Variants in TGIF1 observed in about 807,000 individuals in gnomAD.
TGIF1 encodes homeobox protein TGIF1.
Under a neutral mutation model 19.3 loss-of-function variants are expected in TGIF1, and 4 were observed. That is an observed-to-expected ratio of 0.21 (90% CI 0.10 to 0.47). The LOEUF (loss-of-function observed/expected upper bound fraction) is 0.47, where lower values mean the gene tolerates loss of function less well. TGIF1 is among the 20% of genes least tolerant of loss of function. TGIF1 has a pLI of 0.98. For synonymous variants in TGIF1, 122 were observed against 129.3 expected, an observed-to-expected ratio of 0.94 and a Z score of 0.38; for missense variants, 275 against 341.4, an observed-to-expected ratio of 0.81 and a Z score of 1.53.
At chr18:3,420,290 G>A (rs1288183231) in intron 2 of TGIF1, among the ~76,000 whole-genome samples, 1 of 152,012 alleles carries the variant, frequency 6.6e-6, no homozygotes, top group East Asian at 1.9e-4. Context: ...GGCTGAGGCA[G>A]AAGAATCACT....
At chr18:3,430,783 A>G (rs959705263) in intron 2 of TGIF1, among the ~76,000 whole-genome samples, 3 of 151,252 alleles carry the variant, frequency 2.0e-5, no homozygotes, top group Non-Finnish European at 4.4e-5. Flanking sequence ...AAATGCTGGG[A>G]TTATAGGCAC....
In TGIF1 at chr18:3,456,510, G is replaced by A; in HGVS notation, c.173G>A (p.Arg58His). The change falls in exon 2 of 3, where the codon CGT becomes CAT. Residue 58 changes from arginine (R) to histidine (H), a missense_variant. By Grantham distance (29) the Arg-to-His change is conservative. Coordinates refer to ENST00000343820, the MANE Select transcript of TGIF1 (RefSeq NM_003244.4). The surrounding 1 kb of genome is among the most constrained non-coding windows in gnomAD (Gnocchi z 4.2). ...CTTCGGGATTGGCTGTATGAGCACC[G>A]TTACAATGCCTATCCTTCAGAGCAA... ...QILRDWLYEHRYNAYPSEQEK... is the reference protein window; with the variant it reads ...QILRDWLYEHHYNAYPSEQEK... 2 of 1,614,238 alleles carry A rather than the reference G, an allele frequency of 1.2e-6. No individual in the cohort carries two copies. Among genetic ancestry groups the A allele is most frequent in the Non-Finnish European group, 1.7e-6 (2 of 1,180,046 alleles).
intron 2 of TGIF1, among the ~76,000 whole-genome samples, chr18:3,435,745 G>C (rs546496280): frequency 6.6e-6 from 1 of 152,236 alleles, no homozygotes; most frequent in South Asian, 2.1e-4. Context: ...CAGAATGTAC[G>C]CATTTTCAAA....
intron 1 of TGIF1, among the ~76,000 whole-genome samples, chr18:3,417,619 T>C (rs952125731): frequency 6.6e-6 from 1 of 152,240 alleles, no homozygotes; most frequent in Non-Finnish European, 1.5e-5. Context: ...TATATAACTG[T>C]TATTGTAAAT....
rs2082860325 is a variant in TGIF1 at position 3,450,216 on chromosome 18, G to A, written c.-274G>A. The A allele has an allele frequency of 7.1e-7, 1 of 1,403,520 alleles. No individual in the cohort carries two copies. Among genetic ancestry groups the A allele is most frequent in the Non-Finnish European group, 9.2e-7 (1 of 1,081,432 alleles). The allele number at this position is 1,403,520 out of a possible 1,614,324, so 86.9% of individuals were successfully genotyped here. A position where few individuals can be genotyped will look rare whatever the true frequency, so the allele number is the denominator to read the frequency against. On this transcript the variant is annotated 5_prime_UTR_variant, in exon 1 of 3. Coordinates refer to ENST00000343820, the MANE Select transcript of TGIF1 (RefSeq NM_003244.4). ...GCGCCGAGCAGGAGCAGGGAACAAA[G>A]GAGCGGAGAGGGGAGGGGAGAGAGT... is the stretch of plus-strand genomic sequence containing the variant.
intron 2 of TGIF1, among the ~76,000 whole-genome samples, chr18:3,443,773 T>G (rs1162268414): frequency 6.6e-6 from 1 of 151,580 alleles, no homozygotes; most frequent in African/African-American, 2.4e-5. Flanking sequence ...CCTCAGATGA[T>G]CTGCCCGCCT....
At position 3,451,195 on chromosome 18, in the gene TGIF1, A is replaced by G. The variant is rs1198315504; in HGVS notation, c.16+690A>G. Reference sequence around the variant, plus strand: ...GTTAGCACCCAGGGCCAGCAGCTTCAAGCGGCATGCAGTCAAAATGCGTCC... The same window carrying G: ...GTTAGCACCCAGGGCCAGCAGCTTCGAGCGGCATGCAGTCAAAATGCGTCC... On this transcript the variant is annotated intron_variant, in intron 1 of 2. Coordinates refer to ENST00000343820, the MANE Select transcript of TGIF1 (RefSeq NM_003244.4). This position sits in a 1 kb window ranked among gnomAD's most constrained non-coding sequence, Gnocchi z 5.4. Among the ~76,000 whole-genome samples the G allele has an allele frequency of 6.6e-6, 1 of 152,206 alleles. No homozygotes were observed. Among genetic ancestry groups the G allele is most frequent in the Non-Finnish European group, 1.5e-5 (1 of 68,036 alleles).
intron 2 of TGIF1, among the ~76,000 whole-genome samples, chr18:3,434,220 T>C (rs565437802): frequency 2.6e-5 from 4 of 151,882 alleles, no homozygotes; most frequent in African/African-American, 9.7e-5. Context: ...TGAAACCACA[T>C]CTCTACTAAA....
At chr18:3,454,790 T>A (rs1404514170) in intron 1 of TGIF1, among the ~76,000 whole-genome samples, 2 of 152,234 alleles carry the variant, frequency 1.3e-5, no homozygotes, top group African/African-American at 4.8e-5. Flanking sequence ...TAAAGTGAAT[T>A]TGCAAGATCA....
chr18:3,450,428 T>A lies in TGIF1; in HGVS notation c.-62T>A, dbSNP rs2082868273. On this transcript the variant is annotated 5_prime_UTR_variant, in exon 1 of 3. Coordinates refer to ENST00000343820, the MANE Select transcript of TGIF1 (RefSeq NM_003244.4). ...GAAGGAGACGTTCGCTTATCCCCTG[T>A]GTCCCCGCTCCTGGCCCCTCCAGAC... is the stretch of plus-strand genomic sequence containing the variant. The A allele has an allele frequency of 1.9e-5, 30 of 1,551,258 alleles. No individual in the cohort carries two copies. Among genetic ancestry groups the A allele is most frequent in the Non-Finnish European group, 2.5e-5 (29 of 1,147,036 alleles).
chr18:3,447,826 C>T (rs2143272073), upstream of TGIF1: 2 of 1,613,736 alleles, frequency 1.2e-6, no homozygotes, highest in Non-Finnish European at 1.7e-6. Flanking sequence ...TTTTTCCTCC[C>T]CCTAATTCGA....
chr18:3,435,600 T>C (rs1178821490), intron 2 of TGIF1, among the ~76,000 whole-genome samples: 2 of 152,212 alleles, frequency 1.3e-5, no homozygotes, highest in East Asian at 3.8e-4. Context: ...TCTTATAGAA[T>C]AAGGCACTGA....
chr18:3,427,377 C>T (rs1359776006), intron 2 of TGIF1, among the ~76,000 whole-genome samples: 5 of 152,024 alleles, frequency 3.3e-5, no homozygotes, highest in Non-Finnish European at 7.4e-5. Context: ...CTGCAACCTC[C>T]ACCCCACTAG....
At chr18:3,441,138 A>G (rs1246333773) in intron 2 of TGIF1, among the ~76,000 whole-genome samples, 3 of 152,208 alleles carry the variant, frequency 2.0e-5, no homozygotes, top group African/African-American at 7.2e-5. Flanking sequence ...TTTTAAACAC[A>G]GAGTTTTTCT....
intron 1 of TGIF1, chr18:3,415,509 G>A: frequency 2.2e-6 from 1 of 456,344 alleles, no homozygotes. Flanking sequence ...GTGCCCAGAA[G>A]ACAGCAATGG....
intron 1 of TGIF1, among the ~76,000 whole-genome samples, chr18:3,413,223 A>T (rs1389784912): frequency 6.6e-6 from 1 of 152,260 alleles, no homozygotes; most frequent in East Asian, 1.9e-4. Context: ...GGATTTTTAA[A>T]AAATTAAATT....
Position 3,426,916 on chromosome 18 carries a change from C to CTT in TGIF1, c.-45+8723_-45+8724dup, listed in dbSNP as rs545236407. Among the ~76,000 whole-genome samples, 633 of 99,464 alleles carry CTT rather than the reference C, an allele frequency of 6.4e-3. 1 individual carries two copies. The highest frequency in any genetic ancestry group is 7.6e-3 in the Non-Finnish European group (383 of 50,700). 65.3% of individuals were successfully genotyped at this position (99,464 alleles called of 152,430 possible). A position where few individuals can be genotyped will look rare whatever the true frequency, so the allele number is the denominator to read the frequency against. Reference sequence around the variant, plus strand: ...GGTAAAAAAGTAATAAGGATGATCTCTTTTTTTTTTTTTTTTTTTTTTTGG... The same window carrying CTT: ...GGTAAAAAAGTAATAAGGATGATCTCTTTTTTTTTTTTTTTTTTTTTTTTTGG... On this transcript the variant is annotated intron_variant, in intron 2 of 3. Transcript: ENST00000401449.
chr18:3,450,076 G>C, upstream of TGIF1: 1 of 1,040,716 alleles, frequency 9.6e-7, no homozygotes. Context: ...GGAAGGTGCG[G>C]GGGAGGGGCG....
chr18:3,438,624 C>T (rs1169669735), intron 2 of TGIF1, among the ~76,000 whole-genome samples: 1 of 151,814 alleles, frequency 6.6e-6, no homozygotes, highest in Non-Finnish European at 1.5e-5. Flanking sequence ...CACACACACA[C>T]ACACGAGAAG....
Sources: allele counts gnomAD v4.1 joint callset (sites outside exome capture counted in the v4.1 genomes callset), GRCh38; gene constraint gnomAD v4.1.1; non-coding constraint Gnocchi (gnomAD v3.1); transcripts MANE v1.5; gene names NCBI Gene and HGNC (gene_info 2026-07-23, HGNC 2026-07-21).